LRP1B: variants seen among roughly 807,000 people sequenced by gnomAD.
LRP1B encodes the protein LDL receptor related protein 1B.
Under a neutral mutation model 556.6 loss-of-function variants are expected in LRP1B, and 217 were observed. The ratio of observed to expected loss-of-function variants is 0.39; its 90% CI spans 0.35 to 0.44. LRP1B has a LOEUF of 0.44. Ranked by LOEUF, LRP1B falls within the 20% of genes least tolerant of loss-of-function variation. LRP1B has a pLI of 1.00. For synonymous variants in LRP1B, 2,047 were observed against 1,865.8 expected (o/e 1.10, Z -2.50); for missense variants, 5,053 against 5,620.8 (o/e 0.90, Z 3.23).
intron 25 of LRP1B, among the ~76,000 whole-genome samples, chr2:140,879,334 G>T (rs1386149777): frequency 2.6e-5 from 4 of 152,038 alleles, no homozygotes; most frequent in African/African-American, 9.7e-5. Flanking sequence ...TTTTCTAGTG[G>T]GGGAAAAATA....
intron 1 of LRP1B, among the ~76,000 whole-genome samples, chr2:142,073,081 C>T (rs1229252958): frequency 2.0e-5 from 3 of 151,992 alleles, no homozygotes; most frequent in African/African-American, 7.2e-5. Flanking sequence ...GACATCTTCA[C>T]TCTCTGCACT....
chr2:141,517,280 A>ACACACACG (rs56192881), intron 2 of LRP1B, among the ~76,000 whole-genome samples: 1 of 151,592 alleles, frequency 6.6e-6, no homozygotes, highest in Middle Eastern at 3.2e-3. Flanking sequence ...ACAGACACAC[A>ACACACACG]CACACACACC....
chr2:141,981,639 G>A (rs1702044733), intron 1 of LRP1B, among the ~76,000 whole-genome samples: 1 of 152,094 alleles, frequency 6.6e-6, no homozygotes, highest in African/African-American at 2.4e-5. Context: ...CAGTAGTAGG[G>A]AGAACAAGTA....
In LRP1B at chr2:141,229,198, G is replaced by A. The variant is rs2105293314; in HGVS notation, c.835C>T (p.Leu279Phe). The change falls in exon 6 of 91, where the codon CTT becomes TTT. Residue 279 changes from leucine (L) to phenylalanine (F), a missense_variant. Leu to Phe is a conservative substitution (Grantham distance 22). Coordinates refer to ENST00000389484, the MANE Select transcript of LRP1B (RefSeq NM_018557.3). ...AAACACTTACTGTGGAAGGATTGAA[G>A]AATATTGATTGTCCATTCATCTGTT... ...GLTDEWTINILQSFHNVQQMA... is the reference protein window; with the variant it reads ...GLTDEWTINIFQSFHNVQQMA... 6.2e-7 allele frequency: 1 copy of A among 1,612,868 alleles called. No individual in the cohort carries two copies. Among genetic ancestry groups the A allele is most frequent in the Non-Finnish European group, 8.5e-7 (1 of 1,179,334 alleles).
chr2:140,494,745 A>T (rs1374684160), intron 56 of LRP1B, among the ~76,000 whole-genome samples: 3 of 152,086 alleles, frequency 2.0e-5, no homozygotes, highest in Non-Finnish European at 4.4e-5. Flanking sequence ...TTAACCCATT[A>T]AAAAAACCCA....
intron 1 of LRP1B, among the ~76,000 whole-genome samples, chr2:141,878,519 G>A (rs116516472): frequency 0.012 from 1,814 of 151,928 alleles, 35 homozygotes; most frequent in African/African-American, 0.042. Context: ...AAATAGAATG[G>A]AGAATAGAAG....
chr2:141,880,535 A>T (rs573959836), intron 1 of LRP1B, among the ~76,000 whole-genome samples: 1 of 152,020 alleles, frequency 6.6e-6, no homozygotes, highest in East Asian at 1.9e-4. Context: ...CAATTTTAAT[A>T]AAAAAAGGAA....
chr2:141,316,294 G>T (rs1406270849), intron 3 of LRP1B, among the ~76,000 whole-genome samples: 1 of 152,158 alleles, frequency 6.6e-6, no homozygotes, highest in Non-Finnish European at 1.5e-5. Context: ...TTGAGGGCTT[G>T]ATTGCCCTGT....
chr2:141,002,619 T>C lies in LRP1B; in HGVS notation c.2503+2716A>G, dbSNP rs115554125. ...CTATGTAAATAGTTTCCATACTATA[T>C]TGCTTAGGAAATAATTACAAGAAAG... On this transcript the variant is annotated intron_variant, in intron 15 of 90. Coordinates refer to ENST00000389484, the MANE Select transcript of LRP1B (RefSeq NM_018557.3). Among the ~76,000 whole-genome samples, 1,422 of 152,188 alleles carry C rather than the reference T, an allele frequency of 9.3e-3. 20 individuals are homozygous for C. Among genetic ancestry groups the C allele is most frequent in the Middle Eastern group, 0.037 (11 of 294 alleles).
Position 140,320,800 on chromosome 2 carries a change from T to G in LRP1B, c.12640+1163A>C, listed in dbSNP as rs867803018. On this transcript the variant is annotated intron_variant, in intron 82 of 90. Transcript: ENST00000389484. ...GTTCATGCCTGTAATCCCAGCACTC[T>G]GGGGGGCTTAGGCAGGCGGATCACC... Among the ~76,000 whole-genome samples, 11 of 152,184 alleles carry G rather than the reference T, an allele frequency of 7.2e-5. No homozygotes were observed. The Middle Eastern group carries it at 0.02, about 282-fold the overall frequency.
chr2:141,596,098 T>C (rs867780562), intron 2 of LRP1B, among the ~76,000 whole-genome samples: 3 of 151,970 alleles, frequency 2.0e-5, no homozygotes, highest in Non-Finnish European at 2.9e-5. Flanking sequence ...CCAACAGATA[T>C]AGCGAACCAT....
intron 1 of LRP1B, among the ~76,000 whole-genome samples, chr2:142,021,881 C>G (rs1703341588): frequency 6.6e-6 from 1 of 152,054 alleles, no homozygotes; most frequent in Admixed American, 6.5e-5. Context: ...TATTCTCAAT[C>G]AGGTGACCTT....
At chr2:140,433,822 C>G (rs982332127) in intron 66 of LRP1B, among the ~76,000 whole-genome samples, 23 of 147,716 alleles carry the variant, frequency 1.6e-4, no homozygotes, top group African/African-American at 5.3e-4. Context: ...TATATTTCTT[C>G]TGTTTTTTTT....
At chr2:141,339,102 A>T (rs962985423) in intron 3 of LRP1B, among the ~76,000 whole-genome samples, 1 of 151,928 alleles carries the variant, frequency 6.6e-6, no homozygotes, top group Non-Finnish European at 1.5e-5. Context: ...GCTACTTTCC[A>T]GAATATTTTC....
At chr2:141,110,761 C>A (rs1019485944) in intron 7 of LRP1B, among the ~76,000 whole-genome samples, 4 of 151,946 alleles carry the variant, frequency 2.6e-5, no homozygotes, top group African/African-American at 9.7e-5. Context: ...CAAACCACAC[C>A]TAAGAGGGGA....
At chr2:140,419,255 A>G (rs375502232) in intron 66 of LRP1B, among the ~76,000 whole-genome samples, 41 of 152,364 alleles carry the variant, frequency 2.7e-4, no homozygotes, top group African/African-American at 7.7e-4. Context: ...CAAGAGAAAC[A>G]TAATTCCAAA....
Position 141,754,192 on chromosome 2 carries a change from C to CA in LRP1B, c.205+56086dup, listed in dbSNP as rs763462971. On this transcript the variant is annotated intron_variant, in intron 2 of 90. Coordinates refer to ENST00000389484, the MANE Select transcript of LRP1B (RefSeq NM_018557.3). ...GTCTTCCTGAGAATCTCATTTCTTG[C>CA]AGACTGTCCTCAGGCTCTCTCATTT... Among the ~76,000 whole-genome samples the CA allele has an allele frequency of 2.4e-4, 37 of 152,168 alleles. No homozygotes were observed. The South Asian group carries it at 3.5e-3, about 14-fold the overall frequency.
At chr2:141,786,435 A>G (rs1465937435) in intron 2 of LRP1B, among the ~76,000 whole-genome samples, 1 of 151,972 alleles carries the variant, frequency 6.6e-6, no homozygotes, top group African/African-American at 2.4e-5. Context: ...TTGAAAGCCG[A>G]AAACCAATTT....
intron 6 of LRP1B, among the ~76,000 whole-genome samples, chr2:141,204,395 A>G (rs1682178996): frequency 1.3e-5 from 2 of 152,140 alleles, no homozygotes; most frequent in East Asian, 1.9e-4. Flanking sequence ...GGGGAATGAT[A>G]TGAGAGAAAT....
Sources: allele counts gnomAD v4.1 joint callset (sites outside exome capture counted in the v4.1 genomes callset), GRCh38; gene constraint gnomAD v4.1.1; transcripts MANE v1.5; gene names NCBI Gene and HGNC (gene_info 2026-07-23, HGNC 2026-07-21).